The following GPM6A variants were observed in gnomAD, a reference collection of about 807,000 sequenced individuals.
GPM6A encodes glycoprotein M6A.
GPM6A carries 7 observed loss-of-function variants against 32.1 expected under a neutral mutation model. The ratio of observed to expected loss-of-function variants is 0.22; its 90% CI spans 0.12 to 0.41. The LOEUF (loss-of-function observed/expected upper bound fraction) is 0.41, where lower values mean the gene tolerates loss of function less well. Ranked by LOEUF, GPM6A falls within the 10% of genes least tolerant of loss-of-function variation. GPM6A has a pLI of 1.00. For missense variants in GPM6A, 235 were observed against 347.2 expected, an observed-to-expected ratio of 0.68 and a Z score of 2.57; for synonymous variants, 130 against 123.4, an observed-to-expected ratio of 1.05 and a Z score of -0.35.
intron 1 of GPM6A, among the ~76,000 whole-genome samples, chr4:175,929,054 G>A (rs1329441945): frequency 2.0e-5 from 3 of 152,088 alleles, no homozygotes. Flanking sequence ...GTAAATCTAA[G>A]GTTTATGTGG....
chr4:175,749,236 T>G (rs913995483), intron 1 of GPM6A, among the ~76,000 whole-genome samples: 3 of 152,176 alleles, frequency 2.0e-5, no homozygotes, highest in Admixed American at 6.5e-5. Context: ...CTGCAATAAC[T>G]TTTGCATTAA....
intron 1 of GPM6A, among the ~76,000 whole-genome samples, chr4:175,958,814 C>G (rs1740072653): frequency 2.0e-5 from 3 of 152,180 alleles, no homozygotes; most frequent in African/African-American, 4.8e-5. Flanking sequence ...TCAACAAAAT[C>G]ACAGTTTACA....
At chr4:175,727,126 A>G (rs956349499) in intron 1 of GPM6A, among the ~76,000 whole-genome samples, 9 of 152,222 alleles carry the variant, frequency 5.9e-5, no homozygotes, top group South Asian at 2.1e-4. Flanking sequence ...TCTATACTAC[A>G]TTTCACTGAA....
At chr4:175,875,698 C>A (rs781283692) in intron 1 of GPM6A, among the ~76,000 whole-genome samples, 2 of 152,154 alleles carry the variant, frequency 1.3e-5, no homozygotes, top group African/African-American at 4.8e-5. Context: ...AACATGCAGA[C>A]TAAATTTTCA....
At chr4:175,716,799 T>G (rs1320713538) in intron 1 of GPM6A, among the ~76,000 whole-genome samples, 1 of 152,212 alleles carries the variant, frequency 6.6e-6, no homozygotes, top group Non-Finnish European at 1.5e-5. Context: ...GTGTTTTTCT[T>G]AAAGGAATTT....
Position 175,931,135 on chromosome 4 carries a change from T to C in GPM6A, c.-23+71174A>G, listed in dbSNP as rs113797783. On this transcript the variant is annotated intron_variant, in intron 1 of 7. Coordinates refer to the GPM6A transcript ENST00000280187. Reference sequence around the variant, plus strand: ...TATTAACTGGGAACTGAGATTGAGATAGGCACAGTTCTAAGAACTTATTTC... The same window carrying C: ...TATTAACTGGGAACTGAGATTGAGACAGGCACAGTTCTAAGAACTTATTTC... 5.2e-3 allele frequency among the ~76,000 whole-genome samples: 788 copies of C among 152,284 alleles called. 8 individuals carry two copies. The highest frequency in any genetic ancestry group is 0.018 in the African/African-American group (751 of 41,570).
chr4:175,643,654 T>C (rs1741285310), intron 4 of GPM6A, among the ~76,000 whole-genome samples: 1 of 152,098 alleles, frequency 6.6e-6, no homozygotes, highest in Non-Finnish European at 1.5e-5. Flanking sequence ...ACCAAGGATG[T>C]CAGGCCACCA....
At chr4:175,843,384 T>C (rs1341821636) in intron 1 of GPM6A, among the ~76,000 whole-genome samples, 1 of 152,198 alleles carries the variant, frequency 6.6e-6, no homozygotes, top group Non-Finnish European at 1.5e-5. Flanking sequence ...CAGAGGCCCC[T>C]GCCTTCAGAG....
intron 2 of GPM6A, among the ~76,000 whole-genome samples, chr4:175,688,260 A>C (rs1259399860): frequency 6.6e-6 from 1 of 152,154 alleles, no homozygotes; most frequent in African/African-American, 2.4e-5. Context: ...TGTCATATCC[A>C]AGAAATCATC....
chr4:175,677,802 A>G (rs1307407083), intron 2 of GPM6A, among the ~76,000 whole-genome samples: 8 of 152,180 alleles, frequency 5.3e-5, no homozygotes, highest in Admixed American at 4.6e-4. Context: ...AAGAGCCTAT[A>G]TTAAAGAAAT....
intron 1 of GPM6A, among the ~76,000 whole-genome samples, chr4:175,758,533 T>C (rs1415618776): frequency 6.6e-6 from 1 of 152,174 alleles, no homozygotes; most frequent in African/African-American, 2.4e-5. Flanking sequence ...TGGAGTGTTA[T>C]TTAGGAGACA....
At chr4:175,794,262 G>A (rs1734127309) in intron 1 of GPM6A, among the ~76,000 whole-genome samples, 3 of 152,156 alleles carry the variant, frequency 2.0e-5, no homozygotes, top group African/African-American at 7.2e-5. Context: ...TAAATATAAT[G>A]CACTTGAAAC....
intron 2 of GPM6A, among the ~76,000 whole-genome samples, chr4:175,678,055 T>C (rs1289872007): frequency 6.6e-6 from 1 of 152,132 alleles, no homozygotes; most frequent in Non-Finnish European, 1.5e-5. Flanking sequence ...ACGTCTTGAG[T>C]TCATCATGTG....
chr4:175,871,272 C>A, intron 1 of GPM6A, among the ~76,000 whole-genome samples: 1 of 152,022 alleles, frequency 6.6e-6, no homozygotes, highest in East Asian at 1.9e-4. Flanking sequence ...AGCTCGAGAC[C>A]AGCCTGGCCC....
intron 1 of GPM6A, among the ~76,000 whole-genome samples, chr4:175,918,927 A>G (rs1375428212): frequency 6.6e-6 from 1 of 151,824 alleles, no homozygotes; most frequent in Non-Finnish European, 1.5e-5. Context: ...TTTTTGTCTT[A>G]TTATCTTATA....
chr4:175,726,853 G>C (rs115778316), intron 1 of GPM6A, among the ~76,000 whole-genome samples: 6,659 of 152,094 alleles, frequency 0.044, 188 homozygotes, highest in Non-Finnish European at 0.063. Context: ...AAAATTAGCC[G>C]GGTGTGTTGA....
intron 1 of GPM6A, among the ~76,000 whole-genome samples, chr4:175,807,878 A>G (rs1734757685): frequency 6.6e-6 from 1 of 152,220 alleles, no homozygotes; most frequent in Non-Finnish European, 1.5e-5. Flanking sequence ...CATTGAGCCC[A>G]GCTCTACTAT....
At chr4:175,748,439 T>C (rs142756355) in intron 1 of GPM6A, among the ~76,000 whole-genome samples, 1 of 152,350 alleles carries the variant, frequency 6.6e-6, no homozygotes, top group Non-Finnish European at 1.5e-5. Context: ...AAAACATTAA[T>C]TGCCTTGTAC....
At chr4:175,944,314 T>G (rs565954209) in intron 1 of GPM6A, among the ~76,000 whole-genome samples, 1 of 152,264 alleles carries the variant, frequency 6.6e-6, no homozygotes, top group African/African-American at 2.4e-5. Flanking sequence ...TAATTAGAAA[T>G]TGTTCTGTGC....
Sources: allele counts gnomAD v4.1 joint callset (sites outside exome capture counted in the v4.1 genomes callset), GRCh38; gene constraint gnomAD v4.1.1; transcripts MANE v1.5; gene names NCBI Gene and HGNC (gene_info 2026-07-23, HGNC 2026-07-21).